Variants in CRACDL observed in about 807,000 individuals in gnomAD.
CRACDL encodes the protein CRACD-like protein.
A neutral mutation model predicts 70.6 loss-of-function variants in CRACDL; 26 were observed. The ratio of observed to expected loss-of-function variants is 0.37; its 90% confidence interval spans 0.27 to 0.51. CRACDL has a LOEUF of 0.51. Ranked by LOEUF, CRACDL falls within the 20% of genes least tolerant of loss-of-function variation. The pLI, the probability that CRACDL is intolerant of heterozygous loss-of-function variation, is 0.94. For synonymous variants in CRACDL, 618 were observed against 615.2 expected (o/e 1.00, Z -0.07); for missense variants, 1,283 against 1,376.9 (o/e 0.93, Z 1.08).
At chr2:98,806,602 G>C (rs1253407180) in intron 7 of CRACDL, among the ~76,000 whole-genome samples, 1 of 152,198 alleles carries the variant, frequency 6.6e-6, no homozygotes, top group Non-Finnish European at 1.5e-5. Flanking sequence ...ATTAAAGCTA[G>C]CCTCTCGGCA....
At chr2:98,863,936 C>T (rs975155422) in intron 1 of CRACDL, among the ~76,000 whole-genome samples, 1 of 152,082 alleles carries the variant, frequency 6.6e-6, no homozygotes, top group Non-Finnish European at 1.5e-5. Context: ...CTTTTTAATG[C>T]GTAGTGTTTC....
chr2:98,926,856 C>T (rs1325636918), intron 1 of CRACDL, among the ~76,000 whole-genome samples: 1 of 152,176 alleles, frequency 6.6e-6, no homozygotes, highest in African/African-American at 2.4e-5. Context: ...CTCAACACGG[C>T]CAGGAAAGGG....
At chr2:98,856,136 G>A (rs1706689065) in intron 1 of CRACDL, among the ~76,000 whole-genome samples, 1 of 152,126 alleles carries the variant, frequency 6.6e-6, no homozygotes, top group Non-Finnish European at 1.5e-5. Context: ...AAATCTTCAA[G>A]TAAGATAAAC....
chr2:98,832,757 A>T (rs574807561), intron 4 of CRACDL, 105 bp downstream of exon 4: 23 of 1,423,044 alleles, frequency 1.6e-5, no homozygotes, highest in Non-Finnish European at 2.3e-5. Flanking sequence ...TGTACATGTG[A>T]TTCTACTTTA....
In CRACDL at chr2:98,929,695, T is replaced by G. The variant is rs138617302; in HGVS notation, c.-11+6243A>C. On this transcript the variant is annotated intron_variant, in intron 1 of 9. Transcript: ENST00000397899. The stretch of plus-strand genomic sequence containing the variant: ...CTATGCCCAATCTCAAAACCCATTC[T>G]CAGGGACGAGTTTAGTGTCTTCAAT... 6.3e-3 allele frequency among the ~76,000 whole-genome samples: 954 copies of G among 152,246 alleles called. 12 individuals are homozygous for G. The highest frequency in any genetic ancestry group is 0.022 in the African/African-American group (924 of 41,540).
chr2:98,827,740 G>T (rs372934785), intron 5 of CRACDL, among the ~76,000 whole-genome samples: 11 of 152,308 alleles, frequency 7.2e-5, no homozygotes, highest in Non-Finnish European at 1.6e-4. Context: ...AGGCTCCCCT[G>T]TCACCCTCCC....
chr2:98,903,572 T>C (rs2104661411), intron 1 of CRACDL, among the ~76,000 whole-genome samples: 1 of 152,344 alleles, frequency 6.6e-6, no homozygotes, highest in East Asian at 1.9e-4. Context: ...AAACCACTTC[T>C]CAGTGGGCAT....
intron 1 of CRACDL, among the ~76,000 whole-genome samples, chr2:98,858,596 C>A (rs1339645495): frequency 6.7e-6 from 1 of 150,192 alleles, no homozygotes; most frequent in Non-Finnish European, 1.5e-5. Flanking sequence ...AAAAGAAGGG[C>A]AATCTAAACT....
intron 5 of CRACDL, among the ~76,000 whole-genome samples, chr2:98,830,730 T>C (rs905472692): frequency 5.9e-5 from 9 of 152,098 alleles, no homozygotes; most frequent in Non-Finnish European, 1.0e-4. Flanking sequence ...CTGTGAGAGA[T>C]AAAGTCAGGC....
At chr2:98,872,584 C>T (rs1707379067) in intron 1 of CRACDL, among the ~76,000 whole-genome samples, 1 of 152,030 alleles carries the variant, frequency 6.6e-6, no homozygotes, top group Non-Finnish European at 1.5e-5. Context: ...GCACTTGTAC[C>T]CCCAGAGTAA....
At chr2:98,910,467 G>A (rs1320648012) in intron 1 of CRACDL, among the ~76,000 whole-genome samples, 2 of 151,890 alleles carry the variant, frequency 1.3e-5, no homozygotes, top group Non-Finnish European at 2.9e-5. Context: ...GTTGCAGTGA[G>A]CCAAGATCAC....
chr2:98,920,546 A>T (rs950113218), intron 1 of CRACDL, among the ~76,000 whole-genome samples: 1 of 149,918 alleles, frequency 6.7e-6, no homozygotes. Flanking sequence ...TTACTTTGAA[A>T]CTCCTCTGTC....
chr2:98,804,529 C>T (rs183247523), intron 7 of CRACDL, among the ~76,000 whole-genome samples: 3 of 152,150 alleles, frequency 2.0e-5, no homozygotes, highest in Non-Finnish European at 4.4e-5. Context: ...GCTCTTACAC[C>T]GTATACAGTA....
chr2:98,839,015 C>A (rs1369070979), intron 2 of CRACDL, among the ~76,000 whole-genome samples: 1 of 152,202 alleles, frequency 6.6e-6, no homozygotes, highest in Non-Finnish European at 1.5e-5. Context: ...CAGCAAAGTT[C>A]ATTCCTTTCC....
rs370380746 is a variant in CRACDL, at chr2:98,822,904, C to T, written c.1369G>A (p.Ala457Thr). ...TCCGCTTCTCTCTCGGGCTCAGGCG[C>T]CGGCCCTGGGGGCCCCTTCTCCTCA... ...PDEEKGPPGP[A>T]PEPEREAETE... The change falls in exon 7 of 10, where the codon GCG (alanine) becomes ACG (threonine). Residue 457 changes from alanine (A) to threonine (T), a missense_variant. Coordinates refer to ENST00000397899, the MANE Select transcript of CRACDL (RefSeq NM_207362.3). This position sits in a 1 kb window ranked among gnomAD's most constrained non-coding sequence, Gnocchi z 4.9. 1 of 1,473,070 alleles carries T rather than the reference C, an allele frequency of 6.8e-7. No individual in the cohort carries two copies. Among genetic ancestry groups the T allele is most frequent in the African/African-American group, 1.5e-5 (1 of 67,858 alleles). The allele number at this position is 1,473,070 out of a possible 1,614,324, so 91.2% of individuals were successfully genotyped here. A position where few individuals can be genotyped will look rare whatever the true frequency, so the allele number is the denominator to read the frequency against.
intron 1 of CRACDL, among the ~76,000 whole-genome samples, chr2:98,922,886 C>T (rs1384630179): frequency 6.6e-6 from 1 of 152,134 alleles, no homozygotes; most frequent in Admixed American, 6.5e-5. Flanking sequence ...CTTTTAATGC[C>T]TGGAAGCTAA....
At chr2:98,897,204 T>C (rs1009400592) in intron 1 of CRACDL, among the ~76,000 whole-genome samples, 16 of 152,218 alleles carry the variant, frequency 1.1e-4, no homozygotes, top group African/African-American at 3.9e-4. Context: ...AATGGAATCG[T>C]ACAGTATGTA....
intron 1 of CRACDL, among the ~76,000 whole-genome samples, chr2:98,853,656 A>C (rs1706573643): frequency 6.6e-6 from 1 of 152,180 alleles, no homozygotes; most frequent in Non-Finnish European, 1.5e-5. Flanking sequence ...TTCTAAATTT[A>C]TTTAAATGCA....
At position 98,826,359 on chromosome 2, in the gene CRACDL, A is replaced by G. The variant is rs183935991; in HGVS notation, c.735+616T>C. 1.5e-4 allele frequency among the ~76,000 whole-genome samples: 23 copies of G among 152,352 alleles called. No homozygotes were observed. The East Asian group carries it at 4.2e-3, about 28-fold the overall frequency. On this transcript the variant is annotated intron_variant, in intron 6 of 9. Transcript: ENST00000397899. The stretch of plus-strand genomic sequence containing the variant: ...CATTTGTTTGTTCAGTGGTTCATCC[A>G]TTCAACAACTCTGTGACTAGAAATG...
Sources: allele counts gnomAD v4.1 joint callset (sites outside exome capture counted in the v4.1 genomes callset), GRCh38; gene constraint gnomAD v4.1.1; non-coding constraint Gnocchi (gnomAD v3.1); transcripts MANE v1.5; gene names NCBI Gene and HGNC (gene_info 2026-07-23, HGNC 2026-07-21).